The following GLB1L2 variants were observed in gnomAD, a reference collection of about 807,000 sequenced individuals.
The protein encoded by GLB1L2 is galactosidase beta 1 like 2, also known as beta-galactosidase-1-like protein 2.
In GLB1L2, 68 loss-of-function variants were observed where a neutral mutation model predicts 84.1. That is an observed-to-expected ratio of 0.81 (90% CI 0.67 to 0.99). The LOEUF is 0.99. GLB1L2 is among the 50% of genes least tolerant of loss of function. The pLI is 0.00. For synonymous variants in GLB1L2, 290 were observed against 318.0 expected (o/e 0.91, Z 0.94); for missense variants, 762 against 805.6 (o/e 0.95, Z 0.66).
At position 134,370,328 on chromosome 11, in the gene GLB1L2, AAGATGCCGTATG is replaced by A. The variant is rs1458415139; in HGVS notation, c.1147_1158del (p.Met383_Glu386del). On this transcript the variant is annotated inframe_deletion, in exon 12 of 19. Coordinates refer to ENST00000535456, the MANE Select transcript of GLB1L2 (RefSeq NM_001370461.1). This position sits in a 1 kb window ranked among gnomAD's most constrained non-coding sequence, Gnocchi z 4.7. ...CCCTCCCCCACCTGACCTTCTTCCC[AAGATGCCGTATG>A]AGCCCTTAACGCCAGTCTTGTACCT... 1.9e-6 allele frequency: 3 copies of A among 1,612,832 alleles called. 1 individual carries two copies. In the Admixed American group the frequency reaches 5.0e-5, roughly 27 times the overall value.
Position 134,332,123 on chromosome 11 carries a change from T to C in GLB1L2, c.62T>C (p.Val21Ala). Residue 21 changes from valine (V) to alanine (A), a missense_variant, in exon 1 of 19, where the codon GTC (valine) becomes GCC (alanine). Physicochemically the swap from Val to Ala is moderately conservative, Grantham distance 64. Coordinates refer to ENST00000535456, the MANE Select transcript of GLB1L2 (RefSeq NM_001370461.1). The part of the protein sequence containing the change: ...ARTLGLLLLV[V>A]LGFLVLRRLD... Reference sequence around the variant, plus strand: ...ACGCTGGGACTCCTGCTGCTGGTCGTCTTGGGCTTCCTGGTGCTCCGCAGG... The same window carrying C: ...ACGCTGGGACTCCTGCTGCTGGTCGCCTTGGGCTTCCTGGTGCTCCGCAGG... The C allele has an allele frequency of 6.3e-7, 1 of 1,585,502 alleles. No individual in the cohort carries two copies. Among genetic ancestry groups the C allele is most frequent in the Non-Finnish European group, 8.6e-7 (1 of 1,167,750 alleles).
At chr11:134,364,822 A>G (rs1943845173) in intron 8 of GLB1L2, 2 of 160,966 alleles carry the variant, frequency 1.2e-5, no homozygotes, top group African/African-American at 2.4e-5. Context: ...AGCCTGGTCC[A>G]CTCCAGGTGC....
At chr11:134,364,512 A>T (rs4262740) in intron 8 of GLB1L2, 114 bp downstream of exon 8, 677,757 of 835,474 alleles carry the variant, frequency 0.81, 277,750 homozygotes, top group East Asian at 1. Context: ...CTCAGGGCTG[A>T]TGGCCTCTGG....
Position 134,359,123 on chromosome 11 carries a change from A to C in GLB1L2, c.715A>C (p.Lys239Gln), listed in dbSNP as rs199851534. 5 of 1,604,632 alleles carry C rather than the reference A, an allele frequency of 3.1e-6. No homozygotes were observed. The East Asian group carries it at 1.1e-4, about 36-fold the overall frequency. The change falls in exon 7 of 19, where the codon AAG becomes CAG. Residue 239 changes from lysine to glutamine, a missense_variant. Transcript: ENST00000535456. ...LTSDNKDGLS[K>Q]GIVQGVLATI... ...TTCAGACAACAAGGATGGGCTGAGCAAGGGGATTGTCCAGGGAGGTAACTG... is the reference window on the plus strand; with the variant it reads ...TTCAGACAACAAGGATGGGCTGAGCCAGGGGATTGTCCAGGGAGGTAACTG...
intron 6 of GLB1L2, among the ~76,000 whole-genome samples, chr11:134,357,693 T>C (rs1399522642): frequency 6.6e-6 from 1 of 152,204 alleles, no homozygotes; most frequent in Non-Finnish European, 1.5e-5. Flanking sequence ...GAGGCGCCCA[T>C]GTGTGACTCA....
At chr11:134,359,652 G>C (rs539774037) in intron 7 of GLB1L2, 1 of 152,530 alleles carries the variant, frequency 6.6e-6, no homozygotes, top group African/African-American at 2.4e-5. Context: ...CAGCATATCA[G>C]CCTCCGTGTG....
intron 1 of GLB1L2, among the ~76,000 whole-genome samples, chr11:134,341,384 G>GACAGTTCA (rs903890466): frequency 1.3e-5 from 2 of 152,028 alleles, no homozygotes; most frequent in African/African-American, 4.8e-5. Context: ...AACCCAAGGC[G>GACAGTTCA]ACAGTTCTAC....
rs1011239407 is a variant in GLB1L2, at chr11:134,370,040, T to C, written c.1108+155T>C. Among the ~76,000 whole-genome samples the C allele has an allele frequency of 1.3e-5, 2 of 152,058 alleles. No homozygotes were observed. The highest frequency in any genetic ancestry group is 4.8e-5 in the African/African-American group (2 of 41,406). Reference sequence around the variant, plus strand: ...GGACAGGGAGGTGTGTGAGGCTGTTTCCATCTTGCCGGCTTCACCTGTTAC... The same window carrying C: ...GGACAGGGAGGTGTGTGAGGCTGTTCCCATCTTGCCGGCTTCACCTGTTAC... On this transcript the variant is annotated intron_variant, in intron 11 of 18. Transcript: ENST00000535456. This position sits in a 1 kb window ranked among gnomAD's most constrained non-coding sequence, Gnocchi z 4.7.
At chr11:134,340,844 T>C (rs1009959503) in intron 1 of GLB1L2, among the ~76,000 whole-genome samples, 1 of 152,212 alleles carries the variant, frequency 6.6e-6, no homozygotes, top group Non-Finnish European at 1.5e-5. Context: ...ATATTATGCT[T>C]TTGATTTTTT....
At position 134,370,032 on chromosome 11, in the gene GLB1L2, A is replaced by G; in HGVS notation, c.1108+147A>G. ...CTAGACAAGGACAGGGAGGTGTGTG[A>G]GGCTGTTTCCATCTTGCCGGCTTCA... On this transcript the variant is annotated intron_variant, in intron 11 of 18. Coordinates refer to ENST00000535456, the MANE Select transcript of GLB1L2 (RefSeq NM_001370461.1). This position sits in a 1 kb window ranked among gnomAD's most constrained non-coding sequence, Gnocchi z 4.7. 1 of 730,182 alleles carries G rather than the reference A, an allele frequency of 1.4e-6. No individual in the cohort carries two copies. 45.2% of individuals were successfully genotyped at this position (730,182 alleles called of 1,614,324 possible).
intron 1 of GLB1L2, among the ~76,000 whole-genome samples, chr11:134,341,400 TG>T (rs1284986873): frequency 6.6e-6 from 1 of 152,160 alleles, no homozygotes; most frequent in African/African-American, 2.4e-5. Context: ...TCTACCAAGC[TG>T]GGGGCCAGGA....
At chr11:134,347,606 A>T (rs1344561810) in intron 5 of GLB1L2, among the ~76,000 whole-genome samples, 173 bp downstream of exon 5, 3 of 152,194 alleles carry the variant, frequency 2.0e-5, no homozygotes, top group Admixed American at 6.5e-5. Flanking sequence ...CTTTGGAAAG[A>T]TCTGTGCATT....
intron 2 of GLB1L2, among the ~76,000 whole-genome samples, chr11:134,343,667 C>T (rs549751846): frequency 3.3e-5 from 5 of 152,232 alleles, no homozygotes; most frequent in African/African-American, 1.2e-4. Flanking sequence ...AGAAACCTGC[C>T]GAGCCTTGAC....
chr11:134,352,067 T>G (rs1176801208), intron 5 of GLB1L2, among the ~76,000 whole-genome samples: 1 of 152,228 alleles, frequency 6.6e-6, no homozygotes, highest in African/African-American at 2.4e-5. Flanking sequence ...TGAAGCCATC[T>G]GGTCCTGGAC....
At chr11:134,358,018 T>C (rs972116021) in intron 6 of GLB1L2, among the ~76,000 whole-genome samples, 1 of 152,200 alleles carries the variant, frequency 6.6e-6, no homozygotes, top group Non-Finnish European at 1.5e-5. Flanking sequence ...CCTGGGCTCA[T>C]GGATTGAACT....
In GLB1L2 at chr11:134,375,407, C is replaced by T. The variant is rs558625603; in HGVS notation, c.*349C>T. 1.6e-4 allele frequency: 39 copies of T among 236,368 alleles called. No homozygotes were observed. The highest frequency in any genetic ancestry group is 5.5e-4 in the African/African-American group (24 of 43,824). 14.6% of individuals were successfully genotyped at this position (236,368 alleles called of 1,614,324 possible). A position where few individuals can be genotyped will look rare whatever the true frequency, so the allele number is the denominator to read the frequency against. On this transcript the variant is annotated 3_prime_UTR_variant, in exon 19 of 19. Coordinates refer to ENST00000535456, the MANE Select transcript of GLB1L2 (RefSeq NM_001370461.1). ...CCTTGCACTGGACGTCACAGCCCTG[C>T]GAGCATCTGCTGGACTCAGGCGTGC...
rs945754920 is a variant in GLB1L2 at position 134,334,708 on chromosome 11, C to T, written c.86+2561C>T. Among the ~76,000 whole-genome samples the T allele has an allele frequency of 6.6e-6, 1 of 152,040 alleles. No homozygotes were observed. The highest frequency in any genetic ancestry group is 1.5e-5 in the Non-Finnish European group (1 of 68,004). On this transcript the variant is annotated intron_variant, in intron 1 of 18. Transcript: ENST00000535456. This position sits in a 1 kb window ranked among gnomAD's most constrained non-coding sequence, Gnocchi z 4.1. The stretch of plus-strand genomic sequence containing the variant: ...ACCACTGATCTGTTGCTTTCCGACA[C>T]GATATATTGGTTTGCATTTTCTAGT...
Position 134,370,660 on chromosome 11 carries a change from G to A in GLB1L2, c.1215+261G>A, listed in dbSNP as rs561417183. Among the ~76,000 whole-genome samples the A allele has an allele frequency of 2.0e-5, 3 of 152,204 alleles. No individual in the cohort carries two copies. Among genetic ancestry groups the A allele is most frequent in the Admixed American group, 6.5e-5 (1 of 15,302 alleles). Reference sequence around the variant, plus strand: ...AGTGGGAGAAACAGAGGTCCCTGAGGAACAGCGGCTGGCCCCGTGGGCCTT... The same window carrying A: ...AGTGGGAGAAACAGAGGTCCCTGAGAAACAGCGGCTGGCCCCGTGGGCCTT... On this transcript the variant is annotated intron_variant, in intron 12 of 18. Coordinates refer to ENST00000535456, the MANE Select transcript of GLB1L2 (RefSeq NM_001370461.1). This position sits in a 1 kb window ranked among gnomAD's most constrained non-coding sequence, Gnocchi z 4.7.
chr11:134,342,901 G>A lies in GLB1L2; in HGVS notation c.234G>A (p.Trp78Ter), dbSNP rs1267178379. 6.2e-7 allele frequency: 1 copy of A among 1,613,932 alleles called. No individual in the cohort carries two copies. The highest frequency in any genetic ancestry group is 8.5e-7 in the Non-Finnish European group (1 of 1,180,018). ...ATTTCCGTGTGCCCAGGGAGTACTG[G>A]AGGGACCGCCTGCTGAAGATGAAGG... ...IHYFRVPREY[W>*]RDRLLKMKAC... The change falls in exon 2 of 19, where the codon TGG (tryptophan) becomes TGA (stop). Residue 78 changes from tryptophan (W) to a stop codon, truncating the protein, a stop_gained. Transcript: ENST00000535456. LOFTEE classifies it high-confidence loss of function.
Sources: gnomAD v4.1 joint callset for allele counts (sites outside exome capture counted in the v4.1 genomes callset) on GRCh38, gnomAD v4.1.1 for gene constraint, Gnocchi (gnomAD v3.1) non-coding constraint, MANE v1.5 for transcripts, NCBI Gene and HGNC (gene_info 2026-07-23, HGNC 2026-07-21) for gene names.